PTPRQ: variants seen among roughly 807,000 people sequenced by gnomAD.
The protein encoded by PTPRQ is phosphatidylinositol phosphatase PTPRQ.
PTPRQ carries 199 observed loss-of-function variants against 246.0 expected under a neutral mutation model. That is an observed-to-expected ratio of 0.81 (90% confidence interval 0.72 to 0.91). PTPRQ has a LOEUF of 0.91. Among genes scored for constraint, PTPRQ ranks in the 40% least tolerant of loss-of-function variants. The pLI is 0.00. For synonymous variants in PTPRQ, 869 were observed against 853.2 expected (o/e 1.02, Z -0.32); for missense variants, 2,624 against 2,528.4 (o/e 1.04, Z -0.81).
intron 44 of PTPRQ, 46 bp from the exon 45 acceptor site, chr12:80,678,940 C>G: frequency 6.6e-7 from 1 of 1,509,884 alleles, no homozygotes; most frequent in Non-Finnish European, 8.8e-7. Flanking sequence ...CAATTTTGAA[C>G]TGTTAACTTC....
Position 80,610,526 on chromosome 12 carries a change from A to G in PTPRQ, c.4819A>G (p.Arg1607Gly). The part of the protein sequence containing the change: ...IEIKDLEIFT[R>G]YSVVITAFTG... ...AATTAAAGATTTAGAAATATTCACA[A>G]GGTATTCTGTAGTGATCACTGCATT... is the stretch of plus-strand genomic sequence containing the variant. Residue 1607 changes from arginine (R) to glycine (G), a missense_variant, in exon 28 of 45, where the codon AGG (arginine) becomes GGG (glycine). Coordinates refer to ENST00000644991, the MANE Select transcript of PTPRQ (RefSeq NM_001145026.2). 1 of 1,537,464 alleles carries G rather than the reference A, an allele frequency of 6.5e-7. No individual in the cohort carries two copies. The highest frequency in any genetic ancestry group is 8.8e-7 in the Non-Finnish European group (1 of 1,138,820).
intron 23 of PTPRQ, among the ~76,000 whole-genome samples, chr12:80,546,300 G>GA (rs954837130): frequency 6.5e-4 from 91 of 139,800 alleles, no homozygotes; most frequent in Middle Eastern, 3.6e-3. Flanking sequence ...ACTCTGTCAA[G>GA]AAAAAAAAAA....
chr12:80,579,396 T>C (rs887678943), intron 25 of PTPRQ, among the ~76,000 whole-genome samples: 2 of 152,178 alleles, frequency 1.3e-5, no homozygotes, highest in African/African-American at 4.8e-5. Context: ...AAACATTTTG[T>C]TGCCACTTAT....
rs1272016697 is a variant in PTPRQ, at chr12:80,542,239, C to T, written c.3596C>T (p.Thr1199Ile). 5 of 1,550,724 alleles carry T rather than the reference C, an allele frequency of 3.2e-6. No homozygotes were observed. The highest frequency in any genetic ancestry group is 3.9e-5 in the Admixed American group (2 of 50,948). ...CCAAATGAAAATTATTCTTTCATTA[C>T]TTCTGATAATTACATAATATTGGAA... ...QGPNENYSFI[T>I]SDNYIILEEL... is the part of the protein sequence containing the mutation. The change falls in exon 22 of 45, where the codon ACT becomes ATT. Residue 1199 changes from threonine (T) to isoleucine (I), a missense_variant. Physicochemically the swap from Thr to Ile is moderately conservative, Grantham distance 89 (BLOSUM62 -1). Transcript: ENST00000644991.
chr12:80,479,562 A>G (rs1245888559), intron 8 of PTPRQ, among the ~76,000 whole-genome samples: 1 of 145,968 alleles, frequency 6.9e-6, no homozygotes, highest in African/African-American at 2.6e-5. Context: ...AAATGCTCCA[A>G]TTAAAAGACA....
Position 80,542,460 on chromosome 12 carries a change from T to C in PTPRQ, c.3721+96T>C. 3 of 1,442,254 alleles carry C rather than the reference T, an allele frequency of 2.1e-6. No homozygotes were observed. In the African/African-American group the frequency reaches 4.4e-5, roughly 21 times the overall value. The allele number at this position is 1,442,254 out of a possible 1,614,324, so 89.3% of individuals were successfully genotyped here. On this transcript the variant is annotated intron_variant, in intron 22 of 44. Transcript: ENST00000644991. ...GCATGGAATATGAAAGGATATCTGA[T>C]TGTCTATTTGTAACAGCCTTACCAT... is the stretch of plus-strand genomic sequence containing the variant.
chr12:80,574,108 G>A (rs187601708), intron 25 of PTPRQ, among the ~76,000 whole-genome samples: 210 of 152,122 alleles, frequency 1.4e-3, no homozygotes, highest in Non-Finnish European at 2.1e-3. Flanking sequence ...TATTGTGATT[G>A]TTATATTTTC....
chr12:80,510,682 A>G (rs1000446972), intron 17 of PTPRQ, among the ~76,000 whole-genome samples: 1 of 152,218 alleles, frequency 6.6e-6, no homozygotes, highest in Non-Finnish European at 1.5e-5. Context: ...TAATTATACT[A>G]AATTCCTACT....
At position 80,654,693 on chromosome 12, in the gene PTPRQ, C is replaced by CAAA. The variant is rs57224729; in HGVS notation, c.6115+1874_6115+1876dup. Among the ~76,000 whole-genome samples, 62 of 112,064 alleles carry CAAA rather than the reference C, an allele frequency of 5.5e-4. 2 individuals carry two copies. The highest frequency in any genetic ancestry group is 4.3e-3 in the Middle Eastern group (1 of 234). The allele number at this position is 112,064 out of a possible 152,430, so 73.5% of individuals were successfully genotyped here. A position where few individuals can be genotyped will look rare whatever the true frequency, so the allele number is the denominator to read the frequency against. ...TGAAACCCCATCTGTACTAAAAATCCAAAAAAAAAAAAAAAAATTAGCCGG... is the reference window on the plus strand; with the variant it reads ...TGAAACCCCATCTGTACTAAAAATCCAAAAAAAAAAAAAAAAAAAATTAGCCGG... On this transcript the variant is annotated intron_variant, in intron 38 of 44. Coordinates refer to ENST00000644991, the MANE Select transcript of PTPRQ (RefSeq NM_001145026.2).
At chr12:80,467,199 C>T (rs543638711) in intron 6 of PTPRQ, among the ~76,000 whole-genome samples, 4 of 152,048 alleles carry the variant, frequency 2.6e-5, no homozygotes, top group African/African-American at 4.8e-5. Flanking sequence ...GGGCGAAGGA[C>T]ATGAACAGAC....
At chr12:80,509,877 T>G (rs895282777) in intron 16 of PTPRQ, among the ~76,000 whole-genome samples, 2 of 152,118 alleles carry the variant, frequency 1.3e-5, no homozygotes, top group African/African-American at 4.8e-5. Context: ...GGTCAGTCAT[T>G]TTAACTGCTT....
At chr12:80,641,411 G>A (rs552045451) in intron 35 of PTPRQ, among the ~76,000 whole-genome samples, 51 of 152,174 alleles carry the variant, frequency 3.4e-4, no homozygotes, top group Non-Finnish European at 6.2e-4. Flanking sequence ...GTCTTCATGA[G>A]CTATAAGGCT....
At chr12:80,582,367 C>T (rs1897468499) in intron 25 of PTPRQ, among the ~76,000 whole-genome samples, 1 of 152,104 alleles carries the variant, frequency 6.6e-6, no homozygotes, top group South Asian at 2.1e-4. Context: ...AAATAATTTG[C>T]TGCAATGGAG....
chr12:80,543,705 A>C (rs1896222252), intron 23 of PTPRQ, among the ~76,000 whole-genome samples: 1 of 152,162 alleles, frequency 6.6e-6, no homozygotes, highest in Admixed American at 6.6e-5. Context: ...AGTAAAAGTC[A>C]AAAGCAGGCA....
rs1266959845 is a variant in PTPRQ, at chr12:80,649,604, T to A, written c.5959T>A (p.Ser1987Thr). The A allele has an allele frequency of 6.5e-7, 1 of 1,549,486 alleles. No individual in the cohort carries two copies. The highest frequency in any genetic ancestry group is 1.4e-5 in the African/African-American group (1 of 72,942). ...TACTTGGAGGCCAATAAGCAAGAAA[T>A]CCTTCCTGCAACATGTTGAAGAGCT... Reference protein sequence around the residue: ...RKSIKPISKKSFLQHVEELCT... With the variant: ...RKSIKPISKKTFLQHVEELCT... Residue 1987 changes from serine (S) to threonine (T), a missense_variant, in exon 37 of 45, where the codon TCC becomes ACC. Ser to Thr is a moderately conservative substitution (Grantham distance 58). Coordinates refer to ENST00000644991, the MANE Select transcript of PTPRQ (RefSeq NM_001145026.2).
At position 80,654,013 on chromosome 12, in the gene PTPRQ, TTCTTTTTTTCTTTC is replaced by T. The variant is rs1300062766; in HGVS notation, c.6115+1181_6115+1194del. Among the ~76,000 whole-genome samples the T allele has an allele frequency of 7.2e-5, 11 of 151,804 alleles. 1 individual carries two copies. The South Asian group carries it at 2.3e-3, about 31-fold the overall frequency. On this transcript the variant is annotated intron_variant, in intron 38 of 44. Coordinates refer to ENST00000644991, the MANE Select transcript of PTPRQ (RefSeq NM_001145026.2). Reference sequence around the variant, plus strand: ...ACATTCATAATTTCTTTTTCTTTCTTTCTTTTTTTCTTTCTTTCTTTTTTTTCTTTCTTTCTTTT... The same window carrying T: ...ACATTCATAATTTCTTTTTCTTTCTTTTTCTTTTTTTTCTTTCTTTCTTTT...
intron 39 of PTPRQ, among the ~76,000 whole-genome samples, chr12:80,665,502 C>A (rs1397867966): frequency 6.6e-6 from 1 of 151,924 alleles, no homozygotes; most frequent in Non-Finnish European, 1.5e-5. Flanking sequence ...ATAGTGATTT[C>A]AAACATAATA....
chr12:80,462,220 C>G (rs1014898832), intron 6 of PTPRQ, among the ~76,000 whole-genome samples: 4 of 152,280 alleles, frequency 2.6e-5, no homozygotes, highest in African/African-American at 7.2e-5. Context: ...ATATCCTGCA[C>G]ATGGCTCAGG....
At chr12:80,570,867 T>C (rs1897126144) in intron 25 of PTPRQ, among the ~76,000 whole-genome samples, 1 of 152,176 alleles carries the variant, frequency 6.6e-6, no homozygotes. Flanking sequence ...CTTGTTTCTG[T>C]CATTTTTGTC....
Sources: allele counts gnomAD v4.1 joint callset (sites outside exome capture counted in the v4.1 genomes callset), GRCh38; gene constraint gnomAD v4.1.1; transcripts MANE v1.5; gene names NCBI Gene and HGNC (gene_info 2026-07-23, HGNC 2026-07-21).